Variants in VTA1 observed in about 807,000 individuals in gnomAD.
VTA1 encodes the protein vacuolar protein sorting-associated protein VTA1 homolog.
In VTA1, 24 loss-of-function variants were observed where a neutral mutation model predicts 36.9. The ratio of observed to expected loss-of-function variants is 0.65; its 90% CI spans 0.47 to 0.91. The LOEUF (loss-of-function observed/expected upper bound fraction) is 0.91, where lower values mean the gene tolerates loss of function less well. Among genes scored for constraint, VTA1 ranks in the 40% least tolerant of loss-of-function variants. The pLI is 0.00. For missense variants in VTA1, 393 were observed against 377.2 expected (o/e 1.04, Z -0.35); for synonymous variants, 142 against 130.2 (o/e 1.09, Z -0.62).
intron 7 of VTA1, among the ~76,000 whole-genome samples, chr6:142,213,753 C>T (rs942004345): frequency 1.3e-5 from 2 of 152,214 alleles, no homozygotes; most frequent in Admixed American, 1.3e-4. Flanking sequence ...TCCCTTTTAG[C>T]TATGGCTGGA....
At chr6:142,151,496 G>A (rs1283048602) in intron 1 of VTA1, among the ~76,000 whole-genome samples, 1 of 152,146 alleles carries the variant, frequency 6.6e-6, no homozygotes. Flanking sequence ...ACAAGCTCCT[G>A]CAAGGCTCTG....
chr6:142,161,083 C>G (rs910424120), intron 1 of VTA1, among the ~76,000 whole-genome samples: 5 of 140,682 alleles, frequency 3.6e-5, no homozygotes, highest in African/African-American at 1.3e-4. Flanking sequence ...TTCCTTCCCC[C>G]CCCCCCCTTT....
chr6:142,165,831 C>T (rs1774903544), intron 1 of VTA1, among the ~76,000 whole-genome samples: 1 of 152,162 alleles, frequency 6.6e-6, no homozygotes, highest in South Asian at 2.1e-4. Context: ...AGTCTCATTT[C>T]CCACTATCCC....
In VTA1 at chr6:142,204,051, A is replaced by G. The variant is rs1490423891; in HGVS notation, c.764A>G (p.Asn255Ser). The G allele has an allele frequency of 1.2e-5, 19 of 1,613,438 alleles. No homozygotes were observed. Among genetic ancestry groups the G allele is most frequent in the East Asian group, 4.5e-5 (2 of 44,828 alleles). Residue 255 changes from asparagine (N) to serine (S), a missense_variant, in exon 7 of 8, where the codon AAT becomes AGT. Physicochemically the swap from Asn to Ser is conservative, Grantham distance 46. Transcript: ENST00000367630. ...TIPAIDPALFNTISQGDVRLT... is the reference protein window; with the variant it reads ...TIPAIDPALFSTISQGDVRLT... ...CCTGCCATTGATCCCGCACTTTTCA[A>G]TACAATTTCCCAGGGTAAGTCAGCT... is the stretch of plus-strand genomic sequence containing the variant.
At chr6:142,178,485 G>A (rs1311892114) in intron 4 of VTA1, among the ~76,000 whole-genome samples, 1 of 152,064 alleles carries the variant, frequency 6.6e-6, no homozygotes, top group Non-Finnish European at 1.5e-5. Context: ...TTTTCAGGCA[G>A]AAGGAAAAGG....
chr6:142,155,238 G>C (rs1355132683), intron 1 of VTA1, among the ~76,000 whole-genome samples: 2 of 152,148 alleles, frequency 1.3e-5, no homozygotes, highest in Non-Finnish European at 2.9e-5. Flanking sequence ...ATGGCTGTGT[G>C]ATTGGTACAA....
intron 4 of VTA1, among the ~76,000 whole-genome samples, chr6:142,179,314 CA>C (rs1775181540): frequency 1.3e-5 from 2 of 151,822 alleles, no homozygotes; most frequent in South Asian, 4.2e-4. Flanking sequence ...AAGAGTTGGT[CA>C]TTTTTTTTTT....
chr6:142,149,129 T>C (rs1778516495), intron 1 of VTA1, among the ~76,000 whole-genome samples: 1 of 152,234 alleles, frequency 6.6e-6, no homozygotes, highest in Admixed American at 6.5e-5. Context: ...AAGTTGCAGC[T>C]CTGCTTTTCC....
intron 1 of VTA1, among the ~76,000 whole-genome samples, chr6:142,155,770 T>C (rs1336312508): frequency 2.0e-5 from 3 of 152,204 alleles, no homozygotes; most frequent in Non-Finnish European, 4.4e-5. Flanking sequence ...CTTTGGGTAC[T>C]AGCTTGAAAG....
intron 7 of VTA1, among the ~76,000 whole-genome samples, chr6:142,204,404 G>T (rs1206059889): frequency 6.6e-6 from 1 of 151,878 alleles, no homozygotes; most frequent in Non-Finnish European, 1.5e-5. Context: ...CATGAGTTCT[G>T]ATTGTGACTT....
chr6:142,192,859 G>T (rs1278053215), intron 5 of VTA1, among the ~76,000 whole-genome samples: 1 of 151,962 alleles, frequency 6.6e-6, no homozygotes, highest in Non-Finnish European at 1.5e-5. Flanking sequence ...GTATTTATTA[G>T]TAAATTAGAG....
rs1361591899 is a variant in VTA1 at position 142,224,295 on chromosome 6, C to T, written c.*5652C>T. The T allele has an allele frequency of 6.6e-6, 1 of 152,090 alleles. No homozygotes were observed. The highest frequency in any genetic ancestry group is 1.5e-5 in the Non-Finnish European group (1 of 68,022). The allele number at this position is 152,090 out of a possible 1,614,324, so 9.4% of individuals were successfully genotyped here. On this transcript the variant is annotated 3_prime_UTR_variant, in exon 8 of 8. Coordinates refer to ENST00000367630, the MANE Select transcript of VTA1 (RefSeq NM_016485.5). ...CATGGAATTGTTTTGTCTTTTCGAC[C>T]CCTCGGCTATGTTATTTGTATTGTG...
chr6:142,209,823 A>C (rs1370458609), intron 7 of VTA1, among the ~76,000 whole-genome samples: 2 of 152,142 alleles, frequency 1.3e-5, no homozygotes, highest in African/African-American at 2.4e-5. Context: ...TAAAATGACA[A>C]TACTACCCAA....
At chr6:142,169,216 G>T (rs1469301582) in intron 2 of VTA1, among the ~76,000 whole-genome samples, 1 of 152,076 alleles carries the variant, frequency 6.6e-6, no homozygotes, top group Non-Finnish European at 1.5e-5. Flanking sequence ...CTTATAGTTT[G>T]GGTAATAAAA....
In VTA1 at chr6:142,147,308, G is replaced by A; in HGVS notation, c.21G>A (p.Leu7=). The A allele has an allele frequency of 1.9e-6, 3 of 1,614,196 alleles. No homozygotes were observed. The highest frequency in any genetic ancestry group is 2.5e-6 in the Non-Finnish European group (3 of 1,180,030). ...TAGAGATGGCCGCGCTTGCACCGCT[G>A]CCCCCGCTCCCCGCACAGTTCAAGA... The part of the protein sequence containing the change: MAALAP[L]PPLPAQFKSI... Residue 7 remains leucine (L), a synonymous_variant, in exon 1 of 8, where the codon CTG becomes CTA. Transcript: ENST00000367630.
Position 142,218,611 on chromosome 6 carries a change from G to T in VTA1, c.892G>T (p.Ala298Ser). 6.2e-7 allele frequency: 1 copy of T among 1,611,098 alleles called. No individual in the cohort carries two copies. The change falls in exon 8 of 8, where the codon GCT (alanine) becomes TCT (serine). Residue 298 changes from alanine (A) to serine (S), a missense_variant. Coordinates refer to ENST00000367630, the MANE Select transcript of VTA1 (RefSeq NM_016485.5). ...VSTAVQNLQKALKLLTTGRE is the reference protein window; with the variant it reads ...VSTAVQNLQKSLKLLTTGRE ...CACTGCTGTCCAGAATCTACAAAAG[G>T]CTCTCAAGTTACTGACGACAGGCAG...
intron 6 of VTA1, among the ~76,000 whole-genome samples, chr6:142,200,769 G>A (rs1433299485): frequency 6.6e-6 from 1 of 151,778 alleles, no homozygotes; most frequent in African/African-American, 2.4e-5. Flanking sequence ...TGAGCCTCTT[G>A]TTTTCTCTGT....
chr6:142,197,186 G>A (rs1775568182), intron 5 of VTA1, among the ~76,000 whole-genome samples: 1 of 152,086 alleles, frequency 6.6e-6, no homozygotes, highest in African/African-American at 2.4e-5. Context: ...AAATGTTAGA[G>A]TTCTCCAGTA....
intron 4 of VTA1, among the ~76,000 whole-genome samples, chr6:142,180,105 C>T (rs1020821520): frequency 2.6e-5 from 4 of 152,188 alleles, no homozygotes; most frequent in South Asian, 2.1e-4. Context: ...AATGATGCAG[C>T]AGTAGCAGTG....
Sources: gnomAD v4.1 joint callset for allele counts (sites outside exome capture counted in the v4.1 genomes callset) on GRCh38, gnomAD v4.1.1 for gene constraint, MANE v1.5 for transcripts, NCBI Gene and HGNC (gene_info 2026-07-23, HGNC 2026-07-21) for gene names.